The following TJP2 variants were observed in gnomAD, a reference collection of about 807,000 sequenced individuals.
TJP2 encodes the protein tight junction protein 2.
In TJP2, 91 loss-of-function variants were observed where a neutral mutation model predicts 133.1. That is an observed-to-expected ratio of 0.68 (90% CI 0.58 to 0.81). The LOEUF (loss-of-function observed/expected upper bound fraction) is 0.81. Ranked by LOEUF, TJP2 falls within the 40% of genes least tolerant of loss-of-function variation. The pLI, the probability that TJP2 is intolerant of heterozygous loss-of-function variation, is 0.00. For missense variants in TJP2, 1,541 were observed against 1,565.6 expected, an observed-to-expected ratio of 0.98 and a Z score of 0.26; for synonymous variants, 592 against 583.4, an observed-to-expected ratio of 1.01 and a Z score of -0.21.
Position 69,181,136 on chromosome 9 carries a change from A to G in TJP2, c.60+6704A>G, listed in dbSNP as rs149825737. Among the ~76,000 whole-genome samples the G allele has an allele frequency of 9.8e-3, 1,488 of 152,228 alleles. 19 individuals carry two copies. The highest frequency in any genetic ancestry group is 0.029 in the African/African-American group (1,214 of 41,554). ...GAGAATTTTGTCCAAAAAAAATTAT[A>G]GAATTTCATCTAGACCATTTTTGTA... is the stretch of plus-strand genomic sequence containing the variant. On this transcript the variant is annotated intron_variant, in intron 1 of 22. Transcript: ENST00000377245.
upstream of TJP2, among the ~76,000 whole-genome samples, chr9:69,169,650 G>T (rs1023612989): frequency 3.0e-4 from 45 of 152,190 alleles, no homozygotes; most frequent in African/African-American, 1.1e-3. Context: ...GTGAGCCACC[G>T]TACCCGGCTG....
intron 5 of TJP2, among the ~76,000 whole-genome samples, chr9:69,224,443 C>G (rs574337432): frequency 6.6e-6 from 1 of 152,024 alleles, no homozygotes; most frequent in Non-Finnish European, 1.5e-5. Context: ...TTTGGGAGGC[C>G]GAGGCGGGTG....
chr9:69,142,150 C>T (rs1203881597), intron 1 of TJP2, among the ~76,000 whole-genome samples: 1 of 152,202 alleles, frequency 6.6e-6, no homozygotes. Flanking sequence ...GCAAGGGGCA[C>T]TGTAGCTGGC....
At position 69,180,733 on chromosome 9, in the gene TJP2, G is replaced by A. The variant is rs147329694; in HGVS notation, c.60+6301G>A. On this transcript the variant is annotated intron_variant, in intron 1 of 22. Coordinates refer to ENST00000377245, the MANE Select transcript of TJP2 (RefSeq NM_004817.4). The stretch of plus-strand genomic sequence containing the variant: ...AGCAAAACTAAACATTTCTGTTTTT[G>A]AAAGGAATGAATCATTTGGAAGGAA... Among the ~76,000 whole-genome samples the A allele has an allele frequency of 3.9e-5, 6 of 152,316 alleles. No homozygotes were observed. In the East Asian group the frequency reaches 1.2e-3, roughly 29 times the overall value.
At chr9:69,206,781 G>GT (rs1308700312) in intron 1 of TJP2, among the ~76,000 whole-genome samples, 3 of 151,748 alleles carry the variant, frequency 2.0e-5, no homozygotes, top group African/African-American at 7.3e-5. Flanking sequence ...GTTTAACCAT[G>GT]TTAGTCAGTA....
At chr9:69,147,656 C>G (rs1011286084) in intron 1 of TJP2, among the ~76,000 whole-genome samples, 1 of 152,100 alleles carries the variant, frequency 6.6e-6, no homozygotes, top group Non-Finnish European at 1.5e-5. Context: ...TCAGAGATAA[C>G]CTCTACTAGC....
chr9:69,133,583 G>A (rs1475840228), intron 1 of TJP2, among the ~76,000 whole-genome samples: 3 of 127,620 alleles, frequency 2.4e-5, no homozygotes, highest in Non-Finnish European at 3.1e-5. Context: ...ACAGGGTCTC[G>A]CTCTGTCACC....
rs1189158213 is a variant in TJP2, at chr9:69,126,282, C to T, written c.-131+4557C>T. On this transcript the variant is annotated intron_variant, in intron 1 of 5. Coordinates refer to the TJP2 transcript ENST00000423935. ...AAAATGGAAATAAATTTCAAAAGAG[C>T]AAAGGACTCAAGAGCCAAGGGTTCT... Among the ~76,000 whole-genome samples, 5 of 77,304 alleles carry T rather than the reference C, an allele frequency of 6.5e-5. 2 individuals carry two copies. In the Admixed American group the frequency reaches 9.4e-4, roughly 15 times the overall value. 50.7% of individuals were successfully genotyped at this position (77,304 alleles called of 152,430 possible).
At chr9:69,214,357 A>C (rs1409251332) in intron 2 of TJP2, among the ~76,000 whole-genome samples, 1 of 152,118 alleles carries the variant, frequency 6.6e-6, no homozygotes, top group Non-Finnish European at 1.5e-5. Flanking sequence ...AAGTGCTGGG[A>C]TTACAGGTGT....
rs1355001907 is a variant in TJP2, at chr9:69,221,152, G to A, written c.608G>A (p.Arg203Gln). The change falls in exon 5 of 23, where the codon CGG becomes CAG. Residue 203 changes from arginine to glutamine, a missense_variant. By Grantham distance (43) the Arg-to-Gln change is conservative. Transcript: ENST00000377245. The stretch of plus-strand genomic sequence containing the variant: ...CGGAGCCGTGGCCGGAGCCTGGAGC[G>A]GGGCCTGGACCAAGACCATGCGCGC... ...RDRSRGRSLE[R>Q]GLDQDHARTR... 5 of 1,594,660 alleles carry A rather than the reference G, an allele frequency of 3.1e-6. No individual in the cohort carries two copies. The highest frequency in any genetic ancestry group is 1.7e-4 in the Middle Eastern group (1 of 5,914).
At chr9:69,175,900 TG>T (rs1825050166) in intron 1 of TJP2, among the ~76,000 whole-genome samples, 1 of 152,216 alleles carries the variant, frequency 6.6e-6, no homozygotes, top group South Asian at 2.1e-4. Flanking sequence ...TCTGAAATGC[TG>T]CTGTAACTTT....
intron 2 of TJP2, among the ~76,000 whole-genome samples, chr9:69,157,515 G>C (rs1230415270): frequency 1.4e-4 from 21 of 151,780 alleles, no homozygotes. Flanking sequence ...GCCCAGGCTG[G>C]ATTACAGTAG....
chr9:69,215,929 T>C (rs1005378988), intron 2 of TJP2, among the ~76,000 whole-genome samples: 13 of 152,152 alleles, frequency 8.5e-5, no homozygotes. Context: ...TAAGGAAATC[T>C]GAAAATTAAA....
intron 1 of TJP2, among the ~76,000 whole-genome samples, chr9:69,150,684 G>A (rs185717639): frequency 1.3e-5 from 2 of 152,316 alleles, no homozygotes; most frequent in South Asian, 2.1e-4. Context: ...GTTTCTCAGA[G>A]TGACCCTCAG....
chr9:69,232,774 A>G (rs1829883407), intron 11 of TJP2, among the ~76,000 whole-genome samples: 1 of 152,140 alleles, frequency 6.6e-6, no homozygotes, highest in Non-Finnish European at 1.5e-5. Context: ...AGAAACTTTT[A>G]TGGGATGGAA....
In TJP2 at chr9:69,190,112, A is replaced by AAAAC. The variant is rs147777421; in HGVS notation, c.60+15697_60+15700dup. ...GCAACAGAGCGAGACTCTGTCTCAAAAAACAAACAAACAAACAAACTTCTC... is the reference window on the plus strand; with the variant it reads ...GCAACAGAGCGAGACTCTGTCTCAAAAAACAAACAAACAAACAAACAAACTTCTC... On this transcript the variant is annotated intron_variant, in intron 1 of 22. Transcript: ENST00000377245. 7.3e-5 allele frequency among the ~76,000 whole-genome samples: 11 copies of AAAAC among 151,658 alleles called. No homozygotes were observed. The East Asian group carries it at 9.7e-4, about 13-fold the overall frequency.
chr9:69,132,666 G>A (rs1040834504), intron 1 of TJP2, among the ~76,000 whole-genome samples: 24 of 152,154 alleles, frequency 1.6e-4, no homozygotes, highest in African/African-American at 5.3e-4. Context: ...AGGCACTGTG[G>A]CAAGGTGCTA....
At chr9:69,225,506 G>C in intron 6 of TJP2, 99 bp downstream of exon 6, 1 of 815,948 alleles carries the variant, frequency 1.2e-6, no homozygotes, top group Non-Finnish European at 2.1e-6. Flanking sequence ...GATCCAGTGA[G>C]AGTCAGTGGT....
chr9:69,232,417 A>T (rs1202517419), intron 11 of TJP2, among the ~76,000 whole-genome samples: 4 of 152,234 alleles, frequency 2.6e-5, no homozygotes, highest in African/African-American at 9.6e-5. Context: ...TAAATAGCTA[A>T]TCAAAGAGGA....
Sources: gnomAD v4.1 joint callset for allele counts (sites outside exome capture counted in the v4.1 genomes callset) on GRCh38, gnomAD v4.1.1 for gene constraint, MANE v1.5 for transcripts, NCBI Gene and HGNC (gene_info 2026-07-23, HGNC 2026-07-21) for gene names.